DCUN1D4: variants seen among roughly 807,000 people sequenced by gnomAD.
DCUN1D4 encodes the protein DCN1-like protein 4.
A neutral mutation model predicts 47.9 loss-of-function variants in DCUN1D4; 22 were observed. The ratio of observed to expected loss-of-function variants is 0.46; its 90% CI spans 0.33 to 0.66. The LOEUF is 0.66. Among genes scored for constraint, DCUN1D4 ranks in the 30% least tolerant of loss-of-function variants. DCUN1D4 has a pLI of 0.02. For missense variants in DCUN1D4, 301 were observed against 340.8 expected, an observed-to-expected ratio of 0.88 and a Z score of 0.92; for synonymous variants, 121 against 112.2, an observed-to-expected ratio of 1.08 and a Z score of -0.50.
At chr4:51,841,240 TA>T (rs574624011), upstream of DCUN1D4, among the ~76,000 whole-genome samples, 420 of 147,564 alleles carry the variant, frequency 2.8e-3, 7 homozygotes, top group Middle Eastern at 0.014. Flanking sequence ...TGGTAAACGG[TA>T]AAAAAAAAAA....
Position 51,871,985 on chromosome 4 carries a change from G to A in DCUN1D4, c.137-2286G>A, listed in dbSNP as rs189471898. ...GGGAGGAGTGATATGGGGGTGCTTA[G>A]TGTCTCTGAAGAGCTCTCTACTCCA... On this transcript the variant is annotated intron_variant, in intron 3 of 10. Transcript: ENST00000334635. Among the ~76,000 whole-genome samples, 64 of 152,306 alleles carry A rather than the reference G, an allele frequency of 4.2e-4. 1 individual carries two copies. The East Asian group carries it at 0.012, about 29-fold the overall frequency.
chr4:51,844,379 C>T, intron 1 of DCUN1D4: 1 of 984,532 alleles, frequency 1.0e-6, no homozygotes, highest in Non-Finnish European at 1.2e-6. Context: ...CCGTGGTTCC[C>T]CCCGGACGGC....
At chr4:51,843,664 G>C in intron 1 of DCUN1D4, 1 of 1,215,232 alleles carries the variant, frequency 8.2e-7, no homozygotes, top group Non-Finnish European at 1.0e-6. Context: ...GAGAGGGAGG[G>C]AGCGAGCGAG....
intron 1 of DCUN1D4, among the ~76,000 whole-genome samples, chr4:51,843,960 G>A (rs1370869547): frequency 1.3e-5 from 2 of 150,862 alleles, no homozygotes; most frequent in Non-Finnish European, 3.0e-5. Context: ...CGGGGCGGGA[G>A]GGGCGTTGGA....
At position 51,913,648 on chromosome 4, in the gene DCUN1D4, T is replaced by A; in HGVS notation, c.*64T>A. ...AGTTTTGTCACCCATTAGCCATAAA[T>A]TGCTGTTTGTATCAAAGCGCATGCT... On this transcript the variant is annotated 3_prime_UTR_variant, in exon 11 of 11. Coordinates refer to ENST00000334635, the MANE Select transcript of DCUN1D4 (RefSeq NM_001040402.3). 3.4e-6 allele frequency: 5 copies of A among 1,467,942 alleles called. No homozygotes were observed. Among genetic ancestry groups the A allele is most frequent in the Non-Finnish European group, 4.8e-6 (5 of 1,052,176 alleles). 90.9% of individuals were successfully genotyped at this position (1,467,942 alleles called of 1,614,324 possible).
At chr4:51,842,737 G>A (rs1446363277), upstream of DCUN1D4, among the ~76,000 whole-genome samples, 1 of 152,164 alleles carries the variant, frequency 6.6e-6, no homozygotes, top group Non-Finnish European at 1.5e-5. Context: ...GCGCTGCGCT[G>A]CTCTATTCTT....
At chr4:51,836,119 A>G in the DCUN1D4 span, among the ~76,000 whole-genome samples, 1 of 152,210 alleles carries the variant, frequency 6.6e-6, no homozygotes, top group Non-Finnish European at 1.5e-5. Flanking sequence ...AATTACTGAG[A>G]GCCATGGATT....
chr4:51,843,615 C>G, intron 1 of DCUN1D4: 1 of 864,418 alleles, frequency 1.2e-6, no homozygotes, highest in East Asian at 1.6e-4. Context: ...TGGGCTGTAG[C>G]GGGCAGGGCC....
intron 1 of DCUN1D4, among the ~76,000 whole-genome samples, chr4:51,861,824 T>C (rs974700284): frequency 6.6e-6 from 1 of 152,058 alleles, no homozygotes; most frequent in Non-Finnish European, 1.5e-5. Flanking sequence ...GGGGTGGAGG[T>C]GCAAGAGTTG....
rs1244434885 is a variant in DCUN1D4, at chr4:51,915,788, A to G, written c.*2204A>G. On this transcript the variant is annotated 3_prime_UTR_variant, in exon 11 of 11. Coordinates refer to ENST00000334635, the MANE Select transcript of DCUN1D4 (RefSeq NM_001040402.3). ...AGATGTTACAGTTAATCCACAATCA[A>G]CATTTTGATGGTAGGGAAAAAACTG... is the stretch of plus-strand genomic sequence containing the variant. The G allele has an allele frequency of 2.0e-5, 3 of 152,586 alleles. No individual in the cohort carries two copies. The highest frequency in any genetic ancestry group is 4.4e-5 in the Non-Finnish European group (3 of 68,008). 9.5% of individuals were successfully genotyped at this position (152,586 alleles called of 1,614,324 possible). A position where few individuals can be genotyped will look rare whatever the true frequency, so the allele number is the denominator to read the frequency against.
intron 5 of DCUN1D4, among the ~76,000 whole-genome samples, chr4:51,885,410 T>G (rs1560494087): frequency 6.6e-6 from 1 of 152,230 alleles, no homozygotes; most frequent in Non-Finnish European, 1.5e-5. Context: ...CAGGTTTCTA[T>G]TTCTGGGTGT....
intron 1 of DCUN1D4, among the ~76,000 whole-genome samples, chr4:51,852,686 C>T (rs1723548660): frequency 6.6e-6 from 1 of 152,198 alleles, no homozygotes; most frequent in African/African-American, 2.4e-5. Context: ...CGTTGATTGG[C>T]ACATAATATG....
chr4:51,866,155 T>C (rs1007592215), intron 3 of DCUN1D4, among the ~76,000 whole-genome samples: 1 of 152,176 alleles, frequency 6.6e-6, no homozygotes, highest in African/African-American at 2.4e-5. Flanking sequence ...CACCTGATCA[T>C]TCCATATCAG....
intron 8 of DCUN1D4, among the ~76,000 whole-genome samples, chr4:51,910,298 C>G (rs906419016): frequency 6.6e-6 from 1 of 152,130 alleles, no homozygotes. Context: ...TCCTTAATTG[C>G]AAATGTAAGT....
At position 51,854,412 on chromosome 4, in the gene DCUN1D4, C is replaced by G. The variant is rs188814064; in HGVS notation, c.26-9025C>G. Among the ~76,000 whole-genome samples, 373 of 152,222 alleles carry G rather than the reference C, an allele frequency of 2.5e-3. 5 individuals carry two copies. Among genetic ancestry groups the G allele is most frequent in the Admixed American group, 0.023 (352 of 15,290 alleles). ...ACATATGTACTATGATCTTTGAGTG[C>G]ATATTAGATCTTCACTGACTTGTGA... On this transcript the variant is annotated intron_variant, in intron 1 of 10. Transcript: ENST00000334635.
intron 3 of DCUN1D4, among the ~76,000 whole-genome samples, chr4:51,866,561 G>A (rs964920263): frequency 6.6e-6 from 1 of 151,710 alleles, no homozygotes; most frequent in Non-Finnish European, 1.5e-5. Context: ...TTTATAATAC[G>A]TTCCTTCAGC....
intron 3 of DCUN1D4, chr4:51,865,097 C>T (rs1331895485): frequency 1.3e-5 from 3 of 227,556 alleles, no homozygotes; most frequent in East Asian, 2.2e-4. Flanking sequence ...CTTTCAGTGT[C>T]ATCCAAAGCT....
intron 1 of DCUN1D4, among the ~76,000 whole-genome samples, chr4:51,854,027 A>G (rs759350108): frequency 4.6e-5 from 7 of 152,192 alleles, no homozygotes; most frequent in Admixed American, 2.0e-4. Context: ...AGAAATTCCT[A>G]CTTGTAGCCA....
At chr4:51,867,185 G>A (rs1260300065) in intron 3 of DCUN1D4, among the ~76,000 whole-genome samples, 3 of 152,218 alleles carry the variant, frequency 2.0e-5, no homozygotes, top group Admixed American at 2.0e-4. Flanking sequence ...TTCCACTGTG[G>A]GCACCTGCAC....
Sources: allele counts gnomAD v4.1 joint callset (sites outside exome capture counted in the v4.1 genomes callset), GRCh38; gene constraint gnomAD v4.1.1; transcripts MANE v1.5; gene names NCBI Gene and HGNC (gene_info 2026-07-23, HGNC 2026-07-21).